The following RPS29 variants were observed in gnomAD, a reference collection of about 807,000 sequenced individuals.
RPS29 encodes small ribosomal subunit protein uS14.
For synonymous variants in RPS29, 37 were observed against 26.9 expected, an observed-to-expected ratio of 1.37 and a Z score of -1.16; for missense variants, 60 against 75.7, an observed-to-expected ratio of 0.79 and a Z score of 0.77.
At chr14:49,579,393 C>A (rs72678055), downstream of RPS29, among the ~76,000 whole-genome samples, 4,370 of 152,270 alleles carry the variant, frequency 0.029, 210 homozygotes, top group Admixed American at 0.13. Context: ...GACACTAAGA[C>A]AGAATCCAAA....
chr14:49,577,646 C>T (rs1881220721), exon 3 of RPS29: 1 of 721,906 alleles, frequency 1.4e-6, no homozygotes. Flanking sequence ...ATAGATCTGG[C>T]CCTCAAACCT....
chr14:49,586,424 AC>A, upstream of RPS29: 1 of 1,312,864 alleles, frequency 7.6e-7, no homozygotes, highest in Non-Finnish European at 1.1e-6. Flanking sequence ...GAGACAGTTT[AC>A]CCAGAATGCA....
chr14:49,582,035 C>A (rs938622778), downstream of RPS29, among the ~76,000 whole-genome samples: 18 of 110,258 alleles, frequency 1.6e-4, no homozygotes, highest in African/African-American at 5.5e-4. Flanking sequence ...AAAAAAAAAA[C>A]TTAGTGACTA....
downstream of RPS29, among the ~76,000 whole-genome samples, chr14:49,578,598 T>C (rs1436137422): frequency 1.5e-5 from 2 of 131,338 alleles, no homozygotes; most frequent in Non-Finnish European, 3.1e-5. Context: ...TCTCACTCTG[T>C]CTCCCAGGCT....
chr14:49,595,739 G>A (rs1012866498), intron 1 of RPS29, among the ~76,000 whole-genome samples: 3 of 152,030 alleles, frequency 2.0e-5, no homozygotes, highest in South Asian at 4.2e-4. Context: ...TCGGCAGGGC[G>A]CGGTGGCTCA....
upstream of RPS29, among the ~76,000 whole-genome samples, chr14:49,590,835 C>G (rs115702776): frequency 4.3e-4 from 65 of 152,112 alleles, no homozygotes; most frequent in Admixed American, 3.3e-3. Flanking sequence ...AGATCACAGG[C>G]GTGTGCCACC....
upstream of RPS29, among the ~76,000 whole-genome samples, chr14:49,589,959 G>A (rs1881676679): frequency 2.0e-5 from 3 of 152,100 alleles, no homozygotes; most frequent in Non-Finnish European, 2.9e-5. Flanking sequence ...CAAACACCAC[G>A]TTCTCACTTA....
At chr14:49,572,936 G>C (rs1881088655) in exon 3 of RPS29, 1 of 152,068 alleles carries the variant, frequency 6.6e-6, no homozygotes, top group African/African-American at 2.4e-5. Context: ...TGCTGGTGAT[G>C]CACGCCTGTG....
chr14:49,584,430 G>T (rs1458026434), intron 2 of RPS29, among the ~76,000 whole-genome samples: 1 of 152,198 alleles, frequency 6.6e-6, no homozygotes, highest in Non-Finnish European at 1.5e-5. Flanking sequence ...GAGTTTAAAC[G>T]TACTTTCTCT....
At chr14:49,595,630 T>A (rs1427879766) in intron 1 of RPS29, among the ~76,000 whole-genome samples, 1 of 150,472 alleles carries the variant, frequency 6.6e-6, no homozygotes, top group Non-Finnish European at 1.5e-5. Flanking sequence ...AAAAAAAAAA[T>A]TCTGATGTGA....
exon 1 of RPS29, chr14:49,598,549 T>A (rs1336280163): frequency 1.4e-6 from 1 of 702,344 alleles, no homozygotes; most frequent in East Asian, 2.7e-5. Flanking sequence ...CCTCGCTGGC[T>A]TACGGGGCCA....
chr14:49,598,278 C>G (rs1280793305), intron 1 of RPS29: 4 of 597,188 alleles, frequency 6.7e-6, no homozygotes, highest in East Asian at 2.8e-5. Context: ...TTCCCACTCC[C>G]CAGCCGGGCC....
At chr14:49,582,444 CA>C (rs1881367646), downstream of RPS29, among the ~76,000 whole-genome samples, 2 of 152,196 alleles carry the variant, frequency 1.3e-5, no homozygotes, top group Non-Finnish European at 2.9e-5. Flanking sequence ...GTTCATAAGC[CA>C]AATTTAAGTA....
intron 1 of RPS29, among the ~76,000 whole-genome samples, chr14:49,591,822 G>A (rs1031242334): frequency 6.6e-6 from 1 of 151,112 alleles, no homozygotes; most frequent in Non-Finnish European, 1.5e-5. Flanking sequence ...GGGTTTCACC[G>A]TGTTAGCCAG....
At chr14:49,574,914 T>C (rs1881138879) in exon 3 of RPS29, 1 of 152,290 alleles carries the variant, frequency 6.6e-6, no homozygotes, top group Non-Finnish European at 1.5e-5. Flanking sequence ...CTTCCTGAAA[T>C]GTGTCCTTTG....
chr14:49,578,846 A>G, downstream of RPS29, among the ~76,000 whole-genome samples: 1 of 152,048 alleles, frequency 6.6e-6, no homozygotes, highest in African/African-American at 2.4e-5. Flanking sequence ...GGCATGAGCC[A>G]CCCCGCCCAG....
At chr14:49,586,163 C>T in intron 1 of RPS29, 114 bp from the exon 2 acceptor site, 7 of 1,378,922 alleles carry the variant, frequency 5.1e-6, no homozygotes, top group Non-Finnish European at 7.2e-6. Context: ...CCTGTAATGG[C>T]GGCACCAGCG....
chr14:49,579,409 G>A (rs1881275084), downstream of RPS29, among the ~76,000 whole-genome samples: 1 of 152,192 alleles, frequency 6.6e-6, no homozygotes, highest in Non-Finnish European at 1.5e-5. Flanking sequence ...CCAAACCTAA[G>A]AATATATCCT....
At chr14:49,586,469 G>C (rs148589280), upstream of RPS29, 1 of 863,076 alleles carries the variant, frequency 1.2e-6, no homozygotes, top group African/African-American at 1.7e-5. Context: ...AGTGTGGTCA[G>C]GTTGTTTCGC....
Sources: gnomAD v4.1 joint callset for allele counts (sites outside exome capture counted in the v4.1 genomes callset) on GRCh38, gnomAD v4.1.1 for gene constraint, MANE v1.5 for transcripts, NCBI Gene and HGNC (gene_info 2026-07-23, HGNC 2026-07-21) for gene names.